The following PTPRD variants were observed in gnomAD, a reference collection of about 807,000 sequenced individuals.
The protein encoded by PTPRD is protein tyrosine phosphatase receptor type D.
In PTPRD, 34 loss-of-function variants were observed where a neutral mutation model predicts 214.5. The observed-to-expected ratio is 0.16, with a 90% CI of 0.12 to 0.21. PTPRD has a LOEUF of 0.21. PTPRD is among the 10% of genes least tolerant of loss of function. PTPRD has a pLI of 1.00. For missense variants in PTPRD, 2,545 were observed against 2,398.7 expected, an observed-to-expected ratio of 1.06 and a Z score of -1.27; for synonymous variants, 1,128 against 845.7, an observed-to-expected ratio of 1.33 and a Z score of -5.79.
chr9:9,084,955 A>T (rs1164554976), intron 10 of PTPRD, among the ~76,000 whole-genome samples: 1 of 152,176 alleles, frequency 6.6e-6, no homozygotes. Context: ...AACCATTTTT[A>T]GCACAGACAG....
intron 12 of PTPRD, among the ~76,000 whole-genome samples, chr9:8,710,660 G>C (rs1337970667): frequency 2.0e-5 from 3 of 151,938 alleles, no homozygotes. Context: ...ACAGTAATAG[G>C]ATATCAAAAA....
chr9:8,967,701 T>C (rs1010317638), intron 11 of PTPRD, among the ~76,000 whole-genome samples: 3 of 152,140 alleles, frequency 2.0e-5, no homozygotes, highest in African/African-American at 7.2e-5. Context: ...TACTGAAATA[T>C]ACGTATGTTA....
At chr9:8,814,421 A>C (rs2096879120) in intron 11 of PTPRD, among the ~76,000 whole-genome samples, 2 of 152,174 alleles carry the variant, frequency 1.3e-5, no homozygotes, top group African/African-American at 4.8e-5. Flanking sequence ...ACCCCACAGA[A>C]GGAATGTTCA....
At chr9:10,375,054 T>C (rs769892191) in intron 2 of PTPRD, among the ~76,000 whole-genome samples, 7 of 152,044 alleles carry the variant, frequency 4.6e-5, no homozygotes, top group African/African-American at 7.2e-5. Context: ...CTGGGTTGCT[T>C]ATATTAAAAT....
chr9:9,255,148 C>A (rs1327445676), intron 9 of PTPRD, among the ~76,000 whole-genome samples: 1 of 152,050 alleles, frequency 6.6e-6, no homozygotes, highest in Non-Finnish European at 1.5e-5. Flanking sequence ...AGAAGAAAAA[C>A]AATGAACATC....
intron 9 of PTPRD, among the ~76,000 whole-genome samples, chr9:9,366,820 A>G (rs1156522322): frequency 6.6e-6 from 1 of 151,532 alleles, no homozygotes; most frequent in East Asian, 1.9e-4. Context: ...ATAAAAATGA[A>G]TAGAGCTAAA....
chr9:9,458,902 C>T (rs1024292833), intron 8 of PTPRD, among the ~76,000 whole-genome samples: 8 of 151,890 alleles, frequency 5.3e-5, no homozygotes, highest in Admixed American at 1.3e-4. Context: ...ATTGCACCAC[C>T]GCAATCCAGG....
chr9:8,808,894 G>C lies in PTPRD; in HGVS notation c.-103-74948C>G, dbSNP rs192013255. Among the ~76,000 whole-genome samples, 4 of 152,244 alleles carry C rather than the reference G, an allele frequency of 2.6e-5. No individual in the cohort carries two copies. In the East Asian group the frequency reaches 7.7e-4, roughly 29 times the overall value. Reference sequence around the variant, plus strand: ...GCCTTATATGCAATTAAGTACCGCTGACTGAAGCATGAACAGTGTTTACAC... The same window carrying C: ...GCCTTATATGCAATTAAGTACCGCTCACTGAAGCATGAACAGTGTTTACAC... On this transcript the variant is annotated intron_variant, in intron 11 of 45. Transcript: ENST00000381196.
chr9:9,805,560 G>C (rs2099067778), intron 5 of PTPRD, among the ~76,000 whole-genome samples: 1 of 152,078 alleles, frequency 6.6e-6, no homozygotes, highest in Non-Finnish European at 1.5e-5. Context: ...AAGTAAATTT[G>C]AATATTTAAA....
intron 5 of PTPRD, among the ~76,000 whole-genome samples, chr9:9,857,762 C>A (rs940103003): frequency 1.3e-5 from 2 of 152,158 alleles, no homozygotes; most frequent in African/African-American, 4.8e-5. Flanking sequence ...ACACTCCTCA[C>A]GGACCACACA....
rs563707945 is a variant in PTPRD at position 10,423,344 on chromosome 9, T to C, written c.-599-82327A>G. ...GGGAGAGGGATACTATTAGGAGAAA[T>C]ACCTAATGTAAACGACAGGTTAATG... On this transcript the variant is annotated intron_variant, in intron 2 of 45. Transcript: ENST00000381196. 4.6e-5 allele frequency among the ~76,000 whole-genome samples: 7 copies of C among 151,930 alleles called. No individual in the cohort carries two copies. The South Asian group carries it at 1.3e-3, about 27-fold the overall frequency.
At position 9,781,794 on chromosome 9, in the gene PTPRD, CAT is replaced by C. The variant is rs1491168111; in HGVS notation, c.-367-14945_-367-14944del. 5.2e-4 allele frequency among the ~76,000 whole-genome samples: 57 copies of C among 110,320 alleles called. 1 individual carries two copies. Among genetic ancestry groups the C allele is most frequent in the African/African-American group, 2.3e-3 (54 of 23,192 alleles). 72.4% of individuals were successfully genotyped at this position (110,320 alleles called of 152,430 possible). A position where few individuals can be genotyped will look rare whatever the true frequency, so the allele number is the denominator to read the frequency against. On this transcript the variant is annotated intron_variant, in intron 5 of 45. Coordinates refer to ENST00000381196, the MANE Select transcript of PTPRD (RefSeq NM_002839.4). The stretch of plus-strand genomic sequence containing the variant: ...TTGACTAACATTTTTTGTCTGGACT[CAT>C]ATTTTTTTTTTTTTTAGACGGAGTC...
chr9:10,461,661 C>T (rs2131311330), intron 2 of PTPRD, among the ~76,000 whole-genome samples: 1 of 148,168 alleles, frequency 6.7e-6, no homozygotes, highest in South Asian at 2.1e-4. Flanking sequence ...CTCGCTCTGT[C>T]TCCCAGGCTG....
chr9:8,734,675 T>G (rs1253688774), intron 11 of PTPRD, among the ~76,000 whole-genome samples: 1 of 152,236 alleles, frequency 6.6e-6, no homozygotes, highest in Non-Finnish European at 1.5e-5. Context: ...GTGCAAGGCA[T>G]CAAGAGTGAC....
chr9:10,086,329 G>A (rs185341741), intron 3 of PTPRD, among the ~76,000 whole-genome samples: 7 of 151,776 alleles, frequency 4.6e-5, no homozygotes, highest in Admixed American at 1.3e-4. Flanking sequence ...TTACAGTGCC[G>A]TAAAATTTAT....
intron 7 of PTPRD, among the ~76,000 whole-genome samples, chr9:9,631,461 A>G (rs568542846): frequency 6.6e-6 from 1 of 152,292 alleles, no homozygotes; most frequent in East Asian, 1.9e-4. Flanking sequence ...AGCAAGCTGC[A>G]AGTTTTCTTG....
intron 11 of PTPRD, among the ~76,000 whole-genome samples, chr9:8,871,426 G>T (rs2098296959): frequency 6.6e-6 from 1 of 152,138 alleles, no homozygotes; most frequent in African/African-American, 2.4e-5. Context: ...ATTTTACCTT[G>T]AGTAACATCT....
At chr9:9,408,384 A>G (rs1020986382) in intron 8 of PTPRD, among the ~76,000 whole-genome samples, 1 of 151,942 alleles carries the variant, frequency 6.6e-6, no homozygotes, top group South Asian at 2.1e-4. Context: ...CCCAACCCAT[A>G]CAGCTCAAAT....
At chr9:9,697,328 A>G (rs1333220818) in intron 7 of PTPRD, among the ~76,000 whole-genome samples, 1 of 152,098 alleles carries the variant, frequency 6.6e-6, no homozygotes, top group East Asian at 1.9e-4. Flanking sequence ...TTTCTTTCAG[A>G]TTGAAAAACT....
Sources: gnomAD v4.1 joint callset for allele counts (sites outside exome capture counted in the v4.1 genomes callset) on GRCh38, gnomAD v4.1.1 for gene constraint, MANE v1.5 for transcripts, NCBI Gene and HGNC (gene_info 2026-07-23, HGNC 2026-07-21) for gene names.